The following ASTN2 variants were observed in gnomAD, a reference collection of about 807,000 sequenced individuals.
ASTN2 encodes the protein astrotactin 2, also known as astrotactin-2.
ASTN2 carries 54 observed loss-of-function variants against 139.8 expected under a neutral mutation model. The ratio of observed to expected loss-of-function variants is 0.39; its 90% confidence interval spans 0.31 to 0.48. The LOEUF is 0.48. Among genes scored for constraint, ASTN2 ranks in the 20% least tolerant of loss-of-function variants. ASTN2 has a pLI of 0.95. For missense variants in ASTN2, 1,565 were observed against 1,725.1 expected, an observed-to-expected ratio of 0.91 and a Z score of 1.64; for synonymous variants, 756 against 719.5, an observed-to-expected ratio of 1.05 and a Z score of -0.81.
intron 16 of ASTN2, among the ~76,000 whole-genome samples, chr9:116,674,340 G>A (rs1859375016): frequency 6.6e-6 from 1 of 152,192 alleles, no homozygotes; most frequent in South Asian, 2.1e-4. Context: ...ACAGGGCCAG[G>A]CCACACACAG....
At chr9:116,756,385 A>G (rs1457952851) in intron 13 of ASTN2, among the ~76,000 whole-genome samples, 1 of 152,206 alleles carries the variant, frequency 6.6e-6, no homozygotes, top group Non-Finnish European at 1.5e-5. Context: ...CAACCTTCTA[A>G]GGTTGTTGTG....
intron 5 of ASTN2, among the ~76,000 whole-genome samples, chr9:117,066,282 T>C (rs1256993892): frequency 1.4e-5 from 2 of 145,458 alleles, no homozygotes; most frequent in Non-Finnish European, 3.0e-5. Context: ...GGTTTTTTGT[T>C]CTTGTGATAG....
At chr9:117,283,949 T>C (rs570777602) in intron 2 of ASTN2, among the ~76,000 whole-genome samples, 4 of 152,240 alleles carry the variant, frequency 2.6e-5, no homozygotes, top group African/African-American at 7.2e-5. Flanking sequence ...ATCTTGTCAG[T>C]AGTGGTATTA....
chr9:117,381,678 A>G (rs554089871), intron 1 of ASTN2, among the ~76,000 whole-genome samples: 1 of 152,246 alleles, frequency 6.6e-6, no homozygotes, highest in East Asian at 1.9e-4. Context: ...CAGAACCATA[A>G]GCCAATTAAA....
chr9:117,006,369 T>C lies in ASTN2; in HGVS notation c.1591+1723A>G, dbSNP rs150739307. Among the ~76,000 whole-genome samples, 116 of 152,282 alleles carry C rather than the reference T, an allele frequency of 7.6e-4. 1 individual carries two copies. The highest frequency in any genetic ancestry group is 1.1e-3 in the Non-Finnish European group (78 of 68,022). ...CCTGACTCAGTAAATAGTAACTCAA[T>C]GTGTCCCATTGTTCAGACTGAAAAA... On this transcript the variant is annotated intron_variant, in intron 7 of 22. Transcript: ENST00000313400.
At chr9:116,835,141 A>G (rs1043262297) in intron 11 of ASTN2, among the ~76,000 whole-genome samples, 3 of 152,200 alleles carry the variant, frequency 2.0e-5, no homozygotes, top group African/African-American at 7.2e-5. Flanking sequence ...TTTCAACTCC[A>G]GGTCTTAATT....
At chr9:116,630,222 G>T (rs1445433127) in intron 17 of ASTN2, among the ~76,000 whole-genome samples, 1 of 152,112 alleles carries the variant, frequency 6.6e-6, no homozygotes, top group African/African-American at 2.4e-5. Context: ...CCTTTCCTAA[G>T]TTACATAGCC....
intron 19 of ASTN2, among the ~76,000 whole-genome samples, chr9:116,492,942 C>A (rs547955684): frequency 1.3e-5 from 2 of 152,134 alleles, no homozygotes; most frequent in East Asian, 3.8e-4. Flanking sequence ...CTCACACTAA[C>A]CTTCAACTAG....
intron 16 of ASTN2, chr9:116,697,886 G>A: frequency 6.2e-7 from 1 of 1,614,200 alleles, no homozygotes; most frequent in Non-Finnish European, 8.5e-7. Flanking sequence ...GCCAGTGCCT[G>A]GAGAAGCTAT....
intron 19 of ASTN2, chr9:116,568,632 T>C (rs990162995): frequency 2.0e-5 from 3 of 152,446 alleles, no homozygotes; most frequent in Admixed American, 1.3e-4. Flanking sequence ...CACAGAGTCT[T>C]TGTTGGGACA....
At chr9:117,120,018 G>GTGTGTGTGTGTATGTATATATA (rs1306397698) in intron 4 of ASTN2, among the ~76,000 whole-genome samples, 1 of 46,000 alleles carries the variant, frequency 2.2e-5, no homozygotes, top group Non-Finnish European at 3.9e-5. Context: ...GTGTGTGTGT[G>GTGTGTGTGTGTATGTATATATA]TATATATATA....
At chr9:116,589,603 G>C (rs1854297848) in intron 19 of ASTN2, among the ~76,000 whole-genome samples, 1 of 152,178 alleles carries the variant, frequency 6.6e-6, no homozygotes, top group African/African-American at 2.4e-5. Flanking sequence ...AGTCATGGTG[G>C]AGGCGAAGGG....
intron 5 of ASTN2, among the ~76,000 whole-genome samples, chr9:117,055,955 T>TC (rs1839049617): frequency 6.6e-6 from 1 of 152,250 alleles, no homozygotes; most frequent in African/African-American, 2.4e-5. Context: ...CTTTTTACTT[T>TC]CTTGCTCTGG....
At chr9:116,499,302 A>G (rs1250393027) in intron 19 of ASTN2, among the ~76,000 whole-genome samples, 1 of 152,166 alleles carries the variant, frequency 6.6e-6, no homozygotes, top group Non-Finnish European at 1.5e-5. Context: ...GCTATTCATT[A>G]AAGGTCGATT....
intron 10 of ASTN2, among the ~76,000 whole-genome samples, chr9:116,961,357 C>T (rs2132503594): frequency 6.6e-6 from 1 of 152,254 alleles, no homozygotes; most frequent in South Asian, 2.1e-4. Context: ...CTATACCCAT[C>T]AAACAATAAC....
At chr9:117,369,174 A>G (rs1564170116) in intron 1 of ASTN2, among the ~76,000 whole-genome samples, 1 of 152,134 alleles carries the variant, frequency 6.6e-6, no homozygotes, top group East Asian at 1.9e-4. Flanking sequence ...GTTGTTAATT[A>G]TATTATTTTC....
chr9:117,283,655 T>C (rs555689626), intron 2 of ASTN2, among the ~76,000 whole-genome samples: 1 of 152,196 alleles, frequency 6.6e-6, no homozygotes, highest in Non-Finnish European at 1.5e-5. Context: ...ATGTATTACA[T>C]GGTTTTTCCA....
chr9:116,792,644 G>C (rs1010222905), intron 13 of ASTN2, among the ~76,000 whole-genome samples: 6 of 152,186 alleles, frequency 3.9e-5, no homozygotes, highest in Admixed American at 3.9e-4. Flanking sequence ...GATTGCAGGA[G>C]AGGTCTGTCT....
At chr9:117,098,400 C>G (rs996454146) in intron 4 of ASTN2, among the ~76,000 whole-genome samples, 1 of 152,176 alleles carries the variant, frequency 6.6e-6, no homozygotes, top group African/African-American at 2.4e-5. Context: ...GATGCTGCCT[C>G]TCAGTTTAAG....
Sources: allele counts gnomAD v4.1 joint callset (sites outside exome capture counted in the v4.1 genomes callset), GRCh38; gene constraint gnomAD v4.1.1; transcripts MANE v1.5; gene names NCBI Gene and HGNC (gene_info 2026-07-23, HGNC 2026-07-21).